PRIM2: variants seen among roughly 807,000 people sequenced by gnomAD.
The protein encoded by PRIM2 is DNA primase subunit 2.
PRIM2 carries 39 observed loss-of-function variants against 67.3 expected under a neutral mutation model. The observed-to-expected ratio is 0.58, with a 90% CI of 0.45 to 0.76. The LOEUF (loss-of-function observed/expected upper bound fraction) is 0.76. Among genes scored for constraint, PRIM2 ranks in the 30% least tolerant of loss-of-function variants. The pLI is 0.00. For missense variants in PRIM2, 398 were observed against 598.7 expected (o/e 0.66, Z 3.50); for synonymous variants, 143 against 198.7 (o/e 0.72, Z 2.36).
At chr6:57,335,409 G>C (rs1768200133) in intron 5 of PRIM2, among the ~76,000 whole-genome samples, 1 of 152,204 alleles carries the variant, frequency 6.6e-6, no homozygotes, top group South Asian at 2.1e-4. Flanking sequence ...TCTGGGGGCA[G>C]GGCACAGACA....
At chr6:57,261,269 G>T in the PRIM2 span, among the ~76,000 whole-genome samples, 1 of 152,298 alleles carries the variant, frequency 6.6e-6, no homozygotes, top group East Asian at 1.9e-4. Flanking sequence ...ACTGCCTAAA[G>T]CTTAAGGGAC....
chr6:57,475,820 T>C (rs1379210512), intron 7 of PRIM2, among the ~76,000 whole-genome samples: 1 of 152,220 alleles, frequency 6.6e-6, no homozygotes, highest in African/African-American at 2.4e-5. Context: ...GGTTTTATGA[T>C]ATATACAAAC....
intron 5 of PRIM2, among the ~76,000 whole-genome samples, chr6:57,358,173 T>C (rs1383282846): frequency 6.6e-6 from 1 of 152,262 alleles, no homozygotes; most frequent in East Asian, 1.9e-4. Flanking sequence ...TGTTTGTTCT[T>C]AGTTTGTGCT....
At chr6:57,502,531 G>A (rs1287300258) in intron 7 of PRIM2, among the ~76,000 whole-genome samples, 10 of 152,258 alleles carry the variant, frequency 6.6e-5, no homozygotes, top group African/African-American at 2.2e-4. Context: ...ATGAAGGGAC[G>A]TGAACCTTAA....
intron 7 of PRIM2, among the ~76,000 whole-genome samples, chr6:57,456,302 C>T (rs1772777773): frequency 2.0e-5 from 3 of 152,120 alleles, no homozygotes. Flanking sequence ...TTGTGGCATT[C>T]TCTGTGTTTC....
chr6:57,564,136 C>G (rs1238210851), intron 10 of PRIM2, among the ~76,000 whole-genome samples: 1 of 152,142 alleles, frequency 6.6e-6, no homozygotes, highest in Non-Finnish European at 1.5e-5. Context: ...ACATATTAAG[C>G]TCATTCATGT....
chr6:57,429,349 AAGAC>A (rs1771743268), intron 7 of PRIM2, among the ~76,000 whole-genome samples: 1 of 152,194 alleles, frequency 6.6e-6, no homozygotes, highest in Non-Finnish European at 1.5e-5. Context: ...ATTCTTGCTG[AAGAC>A]AGGCCAGGGT....
intron 7 of PRIM2, among the ~76,000 whole-genome samples, chr6:57,409,786 A>G (rs1771022976): frequency 1.1e-5 from 1 of 90,060 alleles, no homozygotes; most frequent in Non-Finnish European, 2.7e-5. Context: ...TCTTTTGAAG[A>G]GCAACAAAGT....
At chr6:57,589,893 C>T (rs1478235781) in intron 10 of PRIM2, among the ~76,000 whole-genome samples, 2 of 152,020 alleles carry the variant, frequency 1.3e-5, no homozygotes, top group Admixed American at 1.3e-4. Flanking sequence ...AATTCCAGCC[C>T]AGGCATTGGG....
chr6:57,251,522 A>C, the PRIM2 span, among the ~76,000 whole-genome samples: 1 of 152,162 alleles, frequency 6.6e-6, no homozygotes, highest in Non-Finnish European at 1.5e-5. Flanking sequence ...AATTTCTAGA[A>C]GACAAAATCT....
intron 10 of PRIM2, among the ~76,000 whole-genome samples, chr6:57,590,890 T>C (rs1776271330): frequency 6.6e-6 from 1 of 152,234 alleles, no homozygotes; most frequent in Non-Finnish European, 1.5e-5. Context: ...TAACTCCTTT[T>C]TTACATAAAA....
chr6:57,540,980 C>T (rs1212494164), intron 10 of PRIM2, among the ~76,000 whole-genome samples: 2 of 152,160 alleles, frequency 1.3e-5, no homozygotes, highest in Non-Finnish European at 2.9e-5. Context: ...TATTTTTCAT[C>T]GTGTTCAGTG....
At chr6:57,248,080 T>G in the PRIM2 span, among the ~76,000 whole-genome samples, 1 of 152,222 alleles carries the variant, frequency 6.6e-6, no homozygotes, top group Non-Finnish European at 1.5e-5. Flanking sequence ...AGATCTTGGA[T>G]TACATGTTAC....
chr6:57,325,478 G>T (rs1268165106), intron 4 of PRIM2, among the ~76,000 whole-genome samples: 1 of 151,824 alleles, frequency 6.6e-6, no homozygotes, highest in Non-Finnish European at 1.5e-5. Flanking sequence ...TTTTTTTGTA[G>T]ATATGGGGTT....
At chr6:57,389,299 A>G (rs1435037734) in intron 7 of PRIM2, among the ~76,000 whole-genome samples, 2 of 151,992 alleles carry the variant, frequency 1.3e-5, no homozygotes, top group African/African-American at 4.8e-5. Flanking sequence ...GTTTATGTAG[A>G]GTTGGGGATA....
At chr6:57,414,045 C>G (rs1771179760) in intron 7 of PRIM2, among the ~76,000 whole-genome samples, 1 of 152,046 alleles carries the variant, frequency 6.6e-6, no homozygotes, top group African/African-American at 2.4e-5. Context: ...AGGCAGAATA[C>G]TTCATTTAGT....
chr6:57,336,384 A>T (rs7754116), intron 5 of PRIM2, among the ~76,000 whole-genome samples: 71,004 of 151,474 alleles, frequency 0.47, 16,672 homozygotes, highest in South Asian at 0.56. Flanking sequence ...CCTCGAGAAG[A>T]GCAACTGCAA....
intron 7 of PRIM2, among the ~76,000 whole-genome samples, chr6:57,489,558 C>CAA (rs1773838957): frequency 1.4e-5 from 2 of 143,164 alleles, no homozygotes; most frequent in African/African-American, 2.5e-5. Context: ...CCCCCGTCTC[C>CAA]AGAAAAAAGA....
rs1280114627 is a variant in PRIM2 at position 57,539,652 on chromosome 6, G to GTA, written c.1020+2028_1020+2029insAT. 1.2e-4 allele frequency among the ~76,000 whole-genome samples: 8 copies of GTA among 68,168 alleles called. No homozygotes were observed. The East Asian group carries it at 1.7e-3, about 15-fold the overall frequency. 44.7% of individuals were successfully genotyped at this position (68,168 alleles called of 152,430 possible). ...TGTGTGTGTGTGTGTGTGTGTGTGT[G>GTA]TGTGTATATATATATATATATGCAT... On this transcript the variant is annotated intron_variant, in intron 10 of 13. Coordinates refer to ENST00000615550, the MANE Select transcript of PRIM2 (RefSeq NM_000947.5).
Sources: gnomAD v4.1 joint callset for allele counts (sites outside exome capture counted in the v4.1 genomes callset) on GRCh38, gnomAD v4.1.1 for gene constraint, MANE v1.5 for transcripts, NCBI Gene and HGNC (gene_info 2026-07-23, HGNC 2026-07-21) for gene names.